PALM2AKAP2: variants seen among roughly 807,000 people sequenced by gnomAD.
PALM2AKAP2 encodes the protein PALM2-AKAP2 fusion protein.
Under a neutral mutation model 71.5 loss-of-function variants are expected in PALM2AKAP2, and 37 were observed. The observed-to-expected ratio is 0.52, with a 90% CI of 0.40 to 0.68. PALM2AKAP2 has a LOEUF of 0.68. Among genes scored for constraint, PALM2AKAP2 ranks in the 30% least tolerant of loss-of-function variants. PALM2AKAP2 has a pLI of 0.00. For synonymous variants in PALM2AKAP2, 468 were observed against 478.8 expected (o/e 0.98, Z 0.29); for missense variants, 1,224 against 1,191.8 (o/e 1.03, Z -0.40).
chr9:110,121,369 G>A (rs1179497933), intron 1 of PALM2AKAP2, among the ~76,000 whole-genome samples: 1 of 152,226 alleles, frequency 6.6e-6, no homozygotes, highest in Non-Finnish European at 1.5e-5. Context: ...GAGAGGACAA[G>A]ACTGGGCATG....
chr9:109,941,732 G>A (rs1831374819), intron 6 of PALM2AKAP2, among the ~76,000 whole-genome samples: 1 of 152,188 alleles, frequency 6.6e-6, no homozygotes, highest in African/African-American at 2.4e-5. Context: ...TATAGGACAG[G>A]AAAGAGCTGT....
intron 7 of PALM2AKAP2, among the ~76,000 whole-genome samples, chr9:110,031,815 A>T (rs1463113247): frequency 6.6e-6 from 1 of 152,134 alleles, no homozygotes; most frequent in African/African-American, 2.4e-5. Context: ...CACAGTCCTG[A>T]TCAATATGGA....
chr9:110,140,820 G>A (rs188978625), intron 2 of PALM2AKAP2, among the ~76,000 whole-genome samples: 81 of 152,202 alleles, frequency 5.3e-4, no homozygotes, highest in African/African-American at 1.9e-3. Flanking sequence ...CAACACTACA[G>A]CAGGTACCAT....
At chr9:109,851,412 T>C (rs1233117062) in intron 1 of PALM2AKAP2, among the ~76,000 whole-genome samples, 2 of 152,002 alleles carry the variant, frequency 1.3e-5, no homozygotes, top group Non-Finnish European at 1.5e-5. Context: ...TGTTAAGAAC[T>C]GGATGAGATG....
chr9:110,135,164 A>AAAAAAAAAAAAAATATATATATATAT, intron 1 of PALM2AKAP2, among the ~76,000 whole-genome samples: 1 of 51,732 alleles, frequency 1.9e-5, no homozygotes, highest in Non-Finnish European at 3.8e-5. Flanking sequence ...AAAAAAAAAA[A>AAAAAAAAAAAAAATATATATATATAT]ATATATAAAT....
chr9:109,801,533 T>G (rs1473174023), intron 1 of PALM2AKAP2, among the ~76,000 whole-genome samples: 4 of 152,176 alleles, frequency 2.6e-5, no homozygotes, highest in Non-Finnish European at 5.9e-5. Context: ...AAAAAATAAA[T>G]AGCAAAAAAG....
chr9:109,698,249 C>A (rs1410136919), intron 1 of PALM2AKAP2, among the ~76,000 whole-genome samples: 1 of 151,790 alleles, frequency 6.6e-6, no homozygotes, highest in African/African-American at 2.4e-5. Flanking sequence ...AGTGGCCTTA[C>A]CCTTCACCTG....
intron 1 of PALM2AKAP2, chr9:110,048,997 G>C: frequency 2.6e-6 from 3 of 1,157,218 alleles, no homozygotes; most frequent in Non-Finnish European, 3.5e-6. Flanking sequence ...GCTTTTTGTG[G>C]TCCTTGTCGA....
intron 1 of PALM2AKAP2, among the ~76,000 whole-genome samples, chr9:109,661,521 T>G (rs1252767411): frequency 6.6e-6 from 1 of 152,130 alleles, no homozygotes; most frequent in Non-Finnish European, 1.5e-5. Context: ...ACATTGGTCT[T>G]TATATCTGTT....
intron 1 of PALM2AKAP2, among the ~76,000 whole-genome samples, chr9:109,723,557 C>T (rs1317777789): frequency 1.3e-5 from 2 of 152,192 alleles, no homozygotes; most frequent in African/African-American, 4.8e-5. Context: ...CTGTGCTCTG[C>T]ATGGAAGACC....
At chr9:109,655,316 A>G (rs1245339299) in intron 1 of PALM2AKAP2, among the ~76,000 whole-genome samples, 3 of 148,850 alleles carry the variant, frequency 2.0e-5, no homozygotes, top group Non-Finnish European at 4.5e-5. Flanking sequence ...AAAAAAAAAA[A>G]AAGATTGCTC....
At chr9:109,911,317 G>A (rs1830563589) in intron 3 of PALM2AKAP2, among the ~76,000 whole-genome samples, 1 of 152,160 alleles carries the variant, frequency 6.6e-6, no homozygotes, top group African/African-American at 2.4e-5. Context: ...AAAGAAATCA[G>A]TGCTCAGCTC....
intron 1 of PALM2AKAP2, among the ~76,000 whole-genome samples, chr9:110,103,965 T>C (rs911606936): frequency 1.4e-4 from 21 of 152,324 alleles, no homozygotes; most frequent in African/African-American, 4.6e-4. Flanking sequence ...TTCTGGCCTA[T>C]GCTGTGATCC....
intron 2 of PALM2AKAP2, among the ~76,000 whole-genome samples, chr9:110,148,257 T>TC (rs1195332431): frequency 6.6e-6 from 1 of 152,200 alleles, no homozygotes; most frequent in Non-Finnish European, 1.5e-5. Context: ...TCTAGAGTTT[T>TC]CATCATCTTC....
chr9:109,874,787 C>T (rs1165084511), intron 2 of PALM2AKAP2, among the ~76,000 whole-genome samples: 1 of 152,218 alleles, frequency 6.6e-6, no homozygotes, highest in African/African-American at 2.4e-5. Context: ...CACCCTTTCA[C>T]TCAAACCAAA....
At chr9:110,027,801 C>T (rs1368339135) in intron 7 of PALM2AKAP2, among the ~76,000 whole-genome samples, 1 of 152,140 alleles carries the variant, frequency 6.6e-6, no homozygotes. Flanking sequence ...CTTTCTTTGG[C>T]CTTTGCTTTT....
At chr9:109,850,043 G>T (rs920141250) in intron 1 of PALM2AKAP2, among the ~76,000 whole-genome samples, 5 of 152,152 alleles carry the variant, frequency 3.3e-5, no homozygotes, top group African/African-American at 1.2e-4. Flanking sequence ...AGAGACCTAT[G>T]GGTTTCACGG....
intron 1 of PALM2AKAP2, among the ~76,000 whole-genome samples, chr9:109,753,799 C>G (rs1458489908): frequency 1.3e-5 from 2 of 149,996 alleles, no homozygotes; most frequent in African/African-American, 4.9e-5. Flanking sequence ...GAGTTCTTCA[C>G]TTCTTTAAAG....
intron 1 of PALM2AKAP2, among the ~76,000 whole-genome samples, chr9:109,714,474 A>G (rs769007731): frequency 6.6e-6 from 1 of 152,170 alleles, no homozygotes; most frequent in Non-Finnish European, 1.5e-5. Context: ...TGTTAAAATC[A>G]GGTTTGAATA....
Sources: gnomAD v4.1 joint callset for allele counts (sites outside exome capture counted in the v4.1 genomes callset) on GRCh38, gnomAD v4.1.1 for gene constraint, MANE v1.5 for transcripts, NCBI Gene and HGNC (gene_info 2026-07-23, HGNC 2026-07-21) for gene names.